The following THBD variants were observed in gnomAD, a reference collection of about 807,000 sequenced individuals.
THBD encodes the protein thrombomodulin.
For missense variants in THBD, 850 were observed against 816.9 expected (o/e 1.04, Z -0.49); for synonymous variants, 449 against 374.2 (o/e 1.20, Z -2.31).
In THBD at chr20:23,049,010, G is replaced by A; in HGVS notation, c.495C>T (p.Phe165=). 1 of 1,573,454 alleles carries A rather than the reference G, an allele frequency of 6.4e-7. No individual in the cohort carries two copies. Among genetic ancestry groups the A allele is most frequent in the Non-Finnish European group, 8.6e-7 (1 of 1,159,998 alleles). ...TGGCTGGGAAGTGGAACTCGCAGAG[G>A]AAGCCATCGGCCTTCACTTCGCACT... The part of the protein sequence containing the change: ...EQQCEVKADG[F]LCEFHFPATC... The change falls in exon 1 of 1, where the codon TTC becomes TTT. Residue 165 remains phenylalanine, a synonymous_variant. Transcript: ENST00000377103.
At position 23,048,489 on chromosome 20, in the gene THBD, C is replaced by T. The variant is rs746618505; in HGVS notation, c.1016G>A (p.Arg339His). Residue 339 changes from arginine to histidine, a missense_variant, in exon 1 of 1, where the codon CGC becomes CAC. Arg to His is a conservative substitution (Grantham distance 29). Transcript: ENST00000377103. ...GAAGCCACCCTGTGTGTTGACACAG[C>T]GCTGCGGACACGGACTGGGCTCCAG... is the stretch of plus-strand genomic sequence containing the variant. ...CILEPSPCPQ[R>H]CVNTQGGFEC... is the part of the protein sequence containing the mutation. 3 of 1,610,456 alleles carry T rather than the reference C, an allele frequency of 1.9e-6. No individual in the cohort carries two copies. The highest frequency in any genetic ancestry group is 1.7e-5 in the Admixed American group (1 of 60,026).
Position 23,048,091 on chromosome 20 carries a change from G to A in THBD, c.1414C>T (p.Leu472Phe). Residue 472 changes from leucine to phenylalanine, a missense_variant, in exon 1 of 1, where the codon CTT (leucine) becomes TTT (phenylalanine). By Grantham distance (22) the Leu-to-Phe change is conservative. Transcript: ENST00000377103. ...FECICGPDSA[L>F]ARHIGTDCDS... is the part of the protein sequence containing the mutation. ...CAGTCGGTGCCAATGTGGCGGGCAA[G>A]GGCCGAGTCGGGCCCGCAGATGCAC... is the stretch of plus-strand genomic sequence containing the variant. 6.2e-7 allele frequency: 1 copy of A among 1,612,446 alleles called. No homozygotes were observed.
Position 23,049,408 on chromosome 20 carries a change from G to A in THBD, c.97C>T (p.His33Tyr), listed in dbSNP as rs758445346. The change falls in exon 1 of 1, where the codon CAC (histidine) becomes TAC (tyrosine). Residue 33 changes from histidine (H) to tyrosine (Y), a missense_variant. By Grantham distance (83) the His-to-Tyr change is moderately conservative. Coordinates refer to ENST00000377103, the MANE Select transcript of THBD (RefSeq NM_000361.3). ...PQPGGSQCVE[H>Y]DCFALYPGPA... Reference sequence around the variant, plus strand: ...CCCGGGTAGAGCGCGAAGCAGTCGTGCTCGACGCACTGGCTGCCACCCGGC... The same window carrying A: ...CCCGGGTAGAGCGCGAAGCAGTCGTACTCGACGCACTGGCTGCCACCCGGC... The A allele has an allele frequency of 2.5e-6, 4 of 1,589,500 alleles. No homozygotes were observed. In the South Asian group the frequency reaches 4.6e-5, roughly 18 times the overall value.
chr20:23,047,766 A>G lies in THBD; in HGVS notation c.*11T>C, dbSNP rs1984609656. ...CTCCTGGACGGAGCCAGGCTCCTGG[A>G]CGGAGGCCGCTCAGAGTCTCTGCGG... On this transcript the variant is annotated 3_prime_UTR_variant, in exon 1 of 1. Transcript: ENST00000377103. 2 of 1,570,940 alleles carry G rather than the reference A, an allele frequency of 1.3e-6. No homozygotes were observed. The highest frequency in any genetic ancestry group is 2.3e-5 in the South Asian group (2 of 86,294).
At position 23,045,756 on chromosome 20, in the gene THBD, CAGAA is replaced by C. The variant is rs986440930; in HGVS notation, c.*2017_*2020del. 4 of 152,100 alleles carry C rather than the reference CAGAA, an allele frequency of 2.6e-5. No individual in the cohort carries two copies. Among genetic ancestry groups the C allele is most frequent in the African/African-American group, 9.7e-5 (4 of 41,398 alleles). The allele number at this position is 152,100 out of a possible 1,614,324, so 9.4% of individuals were successfully genotyped here. A position where few individuals can be genotyped will look rare whatever the true frequency, so the allele number is the denominator to read the frequency against. On this transcript the variant is annotated 3_prime_UTR_variant, in exon 1 of 1. Transcript: ENST00000377103. Reference sequence around the variant, plus strand: ...CTCATATATGAAGTTGTTATGGTTACAGAAAGAAAATAAATATTTGTGCACACAG... The same window carrying C: ...CTCATATATGAAGTTGTTATGGTTACAGAAAATAAATATTTGTGCACACAG...
In THBD at chr20:23,048,068, G is replaced by A. The variant is rs748260984; in HGVS notation, c.1437C>T (p.Asp479=). 2.7e-5 allele frequency: 44 copies of A among 1,613,116 alleles called. No individual in the cohort carries two copies. The highest frequency in any genetic ancestry group is 4.4e-5 in the South Asian group (4 of 91,014). Residue 479 remains aspartate, a synonymous_variant, in exon 1 of 1, where the codon GAC becomes GAT. Coordinates refer to ENST00000377103, the MANE Select transcript of THBD (RefSeq NM_000361.3). ...DSALARHIGT[D]CDSGKVDGGD... ...CACCGTCCACCTTGCCGGAGTCACA[G>A]TCGGTGCCAATGTGGCGGGCAAGGG...
Position 23,048,242 on chromosome 20 carries a change from G to A in THBD, c.1263C>T (p.Thr421=), listed in dbSNP as rs2122669778. Residue 421 remains threonine (T), a synonymous_variant, in exon 1 of 1, where the codon ACC becomes ACT. Transcript: ENST00000377103. ...TACPADCDPN[T]QASCECPEGY... is the part of the protein sequence containing the mutation. Reference sequence around the variant, plus strand: ...CTTCAGGGCACTCACAGCTAGCCTGGGTGTTGGGGTCGCAGTCGGCTGGAC... The same window carrying A: ...CTTCAGGGCACTCACAGCTAGCCTGAGTGTTGGGGTCGCAGTCGGCTGGAC... 6.2e-7 allele frequency: 1 copy of A among 1,613,996 alleles called. No homozygotes were observed. Among genetic ancestry groups the A allele is most frequent in the East Asian group, 2.2e-5 (1 of 44,878 alleles).
At position 23,047,192 on chromosome 20, in the gene THBD, G is replaced by C. The variant is rs1278797593; in HGVS notation, c.*585C>G. The C allele has an allele frequency of 6.5e-6, 1 of 152,760 alleles. No individual in the cohort carries two copies. Among genetic ancestry groups the C allele is most frequent in the Non-Finnish European group, 1.5e-5 (1 of 68,526 alleles). 9.5% of individuals were successfully genotyped at this position (152,760 alleles called of 1,614,324 possible). On this transcript the variant is annotated 3_prime_UTR_variant, in exon 1 of 1. Transcript: ENST00000377103. ...CAGGTAGGGTGACTCAGGTGAGTTGGCCCAGTTCCTGGGAGGAGAAAACTA... is the reference window on the plus strand; with the variant it reads ...CAGGTAGGGTGACTCAGGTGAGTTGCCCCAGTTCCTGGGAGGAGAAAACTA...
In THBD at chr20:23,049,049, G is replaced by C; in HGVS notation, c.456C>G (p.Ile152Met). 6.4e-7 allele frequency: 1 copy of C among 1,570,562 alleles called. No homozygotes were observed. The highest frequency in any genetic ancestry group is 8.6e-7 in the Non-Finnish European group (1 of 1,158,536). Residue 152 changes from isoleucine (I) to methionine (M), a missense_variant, in exon 1 of 1, where the codon ATC (isoleucine) becomes ATG (methionine). Ile to Met is a conservative substitution (Grantham distance 10). Transcript: ENST00000377103. ...TCACTTCGCACTGCTGCTCCTCCCA[G>C]ATCGGCTCGCTGGGCACAGTGGCCT... ...AAEATVPSEP[I>M]WEEQQCEVKA...
Position 23,047,914 on chromosome 20 carries a change from C to T in THBD, c.1591G>A (p.Ala531Thr). 1 of 1,609,902 alleles carries T rather than the reference C, an allele frequency of 6.2e-7. No homozygotes were observed. Among genetic ancestry groups the T allele is most frequent in the South Asian group, 1.1e-5 (1 of 90,368 alleles). ...ISIASLCLVVALLALLCHLRK... is the reference protein window; with the variant it reads ...ISIASLCLVVTLLALLCHLRK... ...AGGTGGCAGAGGAGCGCCAAAAGCG[C>T]CACCACCAGGCACAGGCTCGCGATG... The change falls in exon 1 of 1, where the codon GCG becomes ACG. Residue 531 changes from alanine (A) to threonine (T), a missense_variant. Transcript: ENST00000377103.
chr20:23,047,142 A>G lies in THBD; in HGVS notation c.*635T>C, dbSNP rs1013323691. On this transcript the variant is annotated 3_prime_UTR_variant, in exon 1 of 1. Coordinates refer to ENST00000377103, the MANE Select transcript of THBD (RefSeq NM_000361.3). ...GGGGTTCTGTCTGAGCAGACAGCTA[A>G]GAGCAAAAGAAGTAGGGTCAGGCAC... The G allele has an allele frequency of 6.6e-6, 1 of 152,272 alleles. No homozygotes were observed. Among genetic ancestry groups the G allele is most frequent in the Non-Finnish European group, 1.5e-5 (1 of 68,078 alleles). The allele number at this position is 152,272 out of a possible 1,614,324, so 9.4% of individuals were successfully genotyped here.
Position 23,046,042 on chromosome 20 carries a change from G to T in THBD, c.*1735C>A, listed in dbSNP as rs551264425. On this transcript the variant is annotated 3_prime_UTR_variant, in exon 1 of 1. Transcript: ENST00000377103. ...TTTGTACAAGTGATGTCATAAGCAA[G>T]GATTTTGCCTGTGTTCTAGATTATC... 6.6e-6 allele frequency: 1 copy of T among 152,186 alleles called. No homozygotes were observed. Among genetic ancestry groups the T allele is most frequent in the Non-Finnish European group, 1.5e-5 (1 of 68,014 alleles). 9.4% of individuals were successfully genotyped at this position (152,186 alleles called of 1,614,324 possible).
In THBD at chr20:23,046,691, C is replaced by A. The variant is rs1282681340; in HGVS notation, c.*1086G>T. ...ATTTTGGTCTACCAGTGACAAGGAA[C>A]AGTGACAGTCAATTGCTAATTGGCA... On this transcript the variant is annotated 3_prime_UTR_variant, in exon 1 of 1. Transcript: ENST00000377103. The A allele has an allele frequency of 6.6e-6, 1 of 152,256 alleles. No individual in the cohort carries two copies. Among genetic ancestry groups the A allele is most frequent in the African/African-American group, 2.4e-5 (1 of 41,462 alleles). The allele number at this position is 152,256 out of a possible 1,614,324, so 9.4% of individuals were successfully genotyped here.
In THBD at chr20:23,048,878, C is replaced by A; in HGVS notation, c.627G>T (p.Val209=). The stretch of plus-strand genomic sequence containing the variant: ...GGGGAGCCACCGCGGCGGAGCTGCC[C>A]ACCGGCAGCGCCTGGAAGTCCGCTC... ...ARGADFQALP[V]GSSAAVAPLG... Residue 209 remains valine, a synonymous_variant, in exon 1 of 1, where the codon GTG becomes GTT. Coordinates refer to ENST00000377103, the MANE Select transcript of THBD (RefSeq NM_000361.3). 1.3e-6 allele frequency: 2 copies of A among 1,509,332 alleles called. No homozygotes were observed. Among genetic ancestry groups the A allele is most frequent in the Non-Finnish European group, 1.8e-6 (2 of 1,133,242 alleles). 93.5% of individuals were successfully genotyped at this position (1,509,332 alleles called of 1,614,324 possible).
chr20:23,049,421 G>A lies in THBD; in HGVS notation c.84C>T (p.Ser28=). 1 of 1,575,628 alleles carries A rather than the reference G, an allele frequency of 6.3e-7. No homozygotes were observed. The highest frequency in any genetic ancestry group is 8.6e-7 in the Non-Finnish European group (1 of 1,161,804). ...CGAAGCAGTCGTGCTCGACGCACTG[G>A]CTGCCACCCGGCTGCGGCTCTGCGG... The part of the protein sequence containing the change: ...PAPAEPQPGG[S]QCVEHDCFAL... Residue 28 remains serine (S), a synonymous_variant, in exon 1 of 1, where the codon AGC becomes AGT. Coordinates refer to ENST00000377103, the MANE Select transcript of THBD (RefSeq NM_000361.3).
Position 23,048,960 on chromosome 20 carries a change from G to A in THBD, c.545C>T (p.Pro182Leu), listed in dbSNP as rs746442061. 1.3e-6 allele frequency: 2 copies of A among 1,554,136 alleles called. No individual in the cohort carries two copies. The highest frequency in any genetic ancestry group is 3.7e-5 in the Admixed American group (2 of 53,552). The change falls in exon 1 of 1, where the codon CCC becomes CTC. Residue 182 changes from proline (P) to leucine (L), a missense_variant. Physicochemically the swap from Pro to Leu is moderately conservative, Grantham distance 98. Transcript: ENST00000377103. ...CGAGACGGCGGCAGCCGCGGCGCCG[G>A]GCTCCACAGCCAGTGGCCTGCAGGT... The part of the protein sequence containing the change: ...PATCRPLAVE[P>L]GAAAAAVSIT...
rs1984563252 is a variant in THBD at position 23,046,089 on chromosome 20, T to C, written c.*1688A>G. On this transcript the variant is annotated 3_prime_UTR_variant, in exon 1 of 1. Transcript: ENST00000377103. ...TATCTCCAATAAATAAATAACTATG[T>C]ACAAATATTTTGAGTTTACAAAATA... is the stretch of plus-strand genomic sequence containing the variant. The C allele has an allele frequency of 6.6e-6, 1 of 152,472 alleles. No individual in the cohort carries two copies. Among genetic ancestry groups the C allele is most frequent in the African/African-American group, 2.4e-5 (1 of 41,474 alleles). The allele number at this position is 152,472 out of a possible 1,614,324, so 9.4% of individuals were successfully genotyped here. A position where few individuals can be genotyped will look rare whatever the true frequency, so the allele number is the denominator to read the frequency against.
chr20:23,047,504 A>C lies in THBD; in HGVS notation c.*273T>G. 7.7e-6 allele frequency: 4 copies of C among 522,462 alleles called. No homozygotes were observed. Among genetic ancestry groups the C allele is most frequent in the East Asian group, 3.2e-5 (1 of 31,672 alleles). The allele number at this position is 522,462 out of a possible 1,614,324, so 32.4% of individuals were successfully genotyped here. A position where few individuals can be genotyped will look rare whatever the true frequency, so the allele number is the denominator to read the frequency against. ...TAACGCTCACCCTCCTGCGCCCGGTAGTGAGGACCTGGGACAAATCGCAGT... is the reference window on the plus strand; with the variant it reads ...TAACGCTCACCCTCCTGCGCCCGGTCGTGAGGACCTGGGACAAATCGCAGT... On this transcript the variant is annotated 3_prime_UTR_variant, in exon 1 of 1. Coordinates refer to ENST00000377103, the MANE Select transcript of THBD (RefSeq NM_000361.3).
At position 23,048,028 on chromosome 20, in the gene THBD, C is replaced by T. The variant is rs1435954747; in HGVS notation, c.1477G>A (p.Gly493Ser). Reference protein sequence around the residue: ...GKVDGGDSGSGEPPPSPTPGS... With the variant: ...GKVDGGDSGSSEPPPSPTPGS... ...GGCGTCGGGCTGGGCGGGGGCTCGC[C>T]AGAGCCGCTGTCGCCACCGTCCACC... Residue 493 changes from glycine (G) to serine (S), a missense_variant, in exon 1 of 1, where the codon GGC (glycine) becomes AGC (serine). Transcript: ENST00000377103. The T allele has an allele frequency of 1.2e-6, 2 of 1,610,574 alleles. No individual in the cohort carries two copies. Among genetic ancestry groups the T allele is most frequent in the Admixed American group, 3.4e-5 (2 of 59,646 alleles).
Sources: allele counts gnomAD v4.1 joint callset, GRCh38; gene constraint gnomAD v4.1.1; transcripts MANE v1.5; gene names NCBI Gene and HGNC (gene_info 2026-07-23, HGNC 2026-07-21).